The following SLC41A2 variants were observed in gnomAD, a reference collection of about 807,000 sequenced individuals.
The protein encoded by SLC41A2 is solute carrier family 41 member 2, also known as SLC41A1-like 1.
SLC41A2 carries 32 observed loss-of-function variants against 58.3 expected under a neutral mutation model. The observed-to-expected ratio is 0.55, with a 90% CI of 0.41 to 0.74. The LOEUF (loss-of-function observed/expected upper bound fraction) is 0.74. Ranked by LOEUF, SLC41A2 falls within the 30% of genes least tolerant of loss-of-function variation. The pLI is 0.00. For missense variants in SLC41A2, 514 were observed against 680.6 expected (o/e 0.76, Z 2.72); for synonymous variants, 190 against 235.0 (o/e 0.81, Z 1.75).
intron 10 of SLC41A2, among the ~76,000 whole-genome samples, chr12:104,825,927 T>C (rs1366928802): frequency 6.6e-6 from 1 of 152,050 alleles, no homozygotes; most frequent in Non-Finnish European, 1.5e-5. Context: ...TAATTCCTAT[T>C]CTCCAGGTTT....
intron 6 of SLC41A2, among the ~76,000 whole-genome samples, chr12:104,885,840 T>G (rs1359715816): frequency 6.6e-6 from 1 of 152,086 alleles, no homozygotes; most frequent in East Asian, 1.9e-4. Flanking sequence ...GGGTTTCTGA[T>G]GGGGAAAAAC....
chr12:104,889,089 G>C lies in SLC41A2; in HGVS notation c.824C>G (p.Ser275Cys), dbSNP rs201983610. 9.0e-5 allele frequency: 145 copies of C among 1,610,766 alleles called. No homozygotes were observed. Among genetic ancestry groups the C allele is most frequent in the Admixed American group, 6.8e-4 (40 of 59,014 alleles). Residue 275 changes from serine (S) to cysteine (C), a missense_variant, in exon 5 of 11, where the codon TCC (serine) becomes TGC (cysteine). Ser to Cys is a moderately radical substitution (Grantham distance 112). Around this residue, in one of 3 missense-constraint regions of SLC41A2, gnomAD observed 336 missense variants for 430.0 expected, o/e 0.78. Transcript: ENST00000258538. ...IPEGKYYLDH[S>C]ILLCSSSVAT... is the part of the protein sequence containing the mutation. ...CACACTGCTAGAGCACAGAAGTATG[G>C]AATGATCAAGGTAATATTTTCCTTC...
chr12:104,957,293 G>C (rs1051496603), intron 1 of SLC41A2, among the ~76,000 whole-genome samples: 3 of 152,186 alleles, frequency 2.0e-5, no homozygotes, highest in African/African-American at 7.2e-5. Context: ...CATATTGTAC[G>C]CTTCCATTTA....
Position 104,803,707 on chromosome 12 carries a change from C to G in SLC41A2, c.*1445G>C, listed in dbSNP as rs933241154. On this transcript the variant is annotated 3_prime_UTR_variant, in exon 11 of 11. Transcript: ENST00000258538. Reference sequence around the variant, plus strand: ...CCTATTCAATAACTAAGGTGTTGGTCAAGTGTTTAGAATATAGGCCAGAGT... The same window carrying G: ...CCTATTCAATAACTAAGGTGTTGGTGAAGTGTTTAGAATATAGGCCAGAGT... The G allele has an allele frequency of 6.6e-6, 1 of 151,876 alleles. No homozygotes were observed. Among genetic ancestry groups the G allele is most frequent in the African/African-American group, 2.4e-5 (1 of 41,320 alleles). 9.4% of individuals were successfully genotyped at this position (151,876 alleles called of 1,614,324 possible).
chr12:104,955,081 C>T (rs1044986696), intron 1 of SLC41A2, among the ~76,000 whole-genome samples: 5 of 136,690 alleles, frequency 3.7e-5, no homozygotes, highest in Admixed American at 1.6e-4. Flanking sequence ...GGCGTGATCT[C>T]GGTTCACTGC....
intron 1 of SLC41A2, among the ~76,000 whole-genome samples, chr12:104,954,062 A>G (rs1406293995): frequency 6.6e-6 from 1 of 152,046 alleles, no homozygotes; most frequent in Admixed American, 6.5e-5. Context: ...TTCTTTTCTC[A>G]TCTTTCAGAT....
chr12:104,834,681 TAA>T (rs35615983), intron 10 of SLC41A2, among the ~76,000 whole-genome samples: 3 of 143,696 alleles, frequency 2.1e-5, no homozygotes, highest in Non-Finnish European at 3.1e-5. Flanking sequence ...CATCATGATT[TAA>T]AAAAAAAAAA....
chr12:104,888,422 A>C (rs554231306), intron 5 of SLC41A2, among the ~76,000 whole-genome samples: 2 of 152,118 alleles, frequency 1.3e-5, no homozygotes, highest in Admixed American at 1.3e-4. Flanking sequence ...TATGATTGTG[A>C]TTCCACAATA....
chr12:104,935,033 C>T (rs2047206320), intron 1 of SLC41A2, among the ~76,000 whole-genome samples: 1 of 152,200 alleles, frequency 6.6e-6, no homozygotes. Flanking sequence ...TCTTGGCCCA[C>T]TGCAACCTCC....
At chr12:104,874,208 G>T (rs2043934950) in intron 6 of SLC41A2, among the ~76,000 whole-genome samples, 1 of 151,672 alleles carries the variant, frequency 6.6e-6, no homozygotes, top group African/African-American at 2.4e-5. Context: ...CGAGTAGCTG[G>T]GACTACAGGC....
Position 104,845,926 on chromosome 12 carries a change from T to C in SLC41A2, c.1304A>G (p.Tyr435Cys). Residue 435 changes from tyrosine to cysteine, a missense_variant, in exon 9 of 11, where the codon TAC becomes TGC. This residue lies in a region of SLC41A2 where 50 missense variants were observed against 104.5 expected (regional missense o/e 0.48). Coordinates refer to ENST00000258538, the MANE Select transcript of SLC41A2 (RefSeq NM_001352171.3). ...TCCTGGAATGCTATGTAAATGGAGGTAGGTAGAAATCCTGCTAGCCTGAAT... is the reference window on the plus strand; with the variant it reads ...TCCTGGAATGCTATGTAAATGGAGGCAGGTAGAAATCCTGCTAGCCTGAAT... The part of the protein sequence containing the change: ...VAIQASRIST[Y>C]LHLHSIPGEL... The C allele has an allele frequency of 1.2e-6, 2 of 1,613,836 alleles. No individual in the cohort carries two copies. The highest frequency in any genetic ancestry group is 1.7e-6 in the Non-Finnish European group (2 of 1,179,866).
chr12:104,821,106 C>T (rs1031225863), intron 10 of SLC41A2, among the ~76,000 whole-genome samples: 4 of 152,108 alleles, frequency 2.6e-5, no homozygotes, highest in African/African-American at 9.7e-5. Flanking sequence ...CTCTATGTTT[C>T]TTCTGGCTGT....
At chr12:104,807,992 A>T (rs1481741004) in intron 10 of SLC41A2, among the ~76,000 whole-genome samples, 1 of 152,206 alleles carries the variant, frequency 6.6e-6, no homozygotes, top group Non-Finnish European at 1.5e-5. Context: ...TTCTAGATAT[A>T]CAATCATGTC....
intron 3 of SLC41A2, among the ~76,000 whole-genome samples, chr12:104,905,799 T>A (rs888219785): frequency 6.6e-6 from 1 of 152,260 alleles, no homozygotes; most frequent in Non-Finnish European, 1.5e-5. Context: ...GCTGGCTGGC[T>A]GCTCCGAGTG....
intron 1 of SLC41A2, among the ~76,000 whole-genome samples, chr12:104,936,970 G>A (rs1356520823): frequency 6.6e-6 from 1 of 152,122 alleles, no homozygotes; most frequent in African/African-American, 2.4e-5. Context: ...TACAGGCTGG[G>A]TGCAATGGCT....
intron 1 of SLC41A2, among the ~76,000 whole-genome samples, chr12:104,935,410 TTGAA>T (rs1268705632): frequency 1.2e-4 from 18 of 152,162 alleles, no homozygotes; most frequent in Non-Finnish European, 2.2e-4. Context: ...GTTATCTTGA[TTGAA>T]TATTTTCTAT....
chr12:104,864,005 C>T (rs1565851917), intron 7 of SLC41A2, among the ~76,000 whole-genome samples: 1 of 151,344 alleles, frequency 6.6e-6, no homozygotes, highest in African/African-American at 2.4e-5. Context: ...CCCTGTCCTC[C>T]TGCCAATCTG....
intron 7 of SLC41A2, among the ~76,000 whole-genome samples, chr12:104,861,626 G>A (rs541676902): frequency 2.8e-4 from 43 of 152,198 alleles, no homozygotes; most frequent in African/African-American, 9.6e-4. Flanking sequence ...AAAAGCATAC[G>A]CTTTAAATGC....
At chr12:104,839,290 A>C (rs2042322024) in intron 10 of SLC41A2, among the ~76,000 whole-genome samples, 1 of 152,178 alleles carries the variant, frequency 6.6e-6, no homozygotes, top group African/African-American at 2.4e-5. Flanking sequence ...GATACTTTAT[A>C]GCAGAAAAAA....
Sources: gnomAD v4.1 joint callset for allele counts (sites outside exome capture counted in the v4.1 genomes callset) on GRCh38, gnomAD v4.1.1 for gene constraint, gnomAD v4.1.1 regional missense constraint, MANE v1.5 for transcripts, NCBI Gene and HGNC (gene_info 2026-07-23, HGNC 2026-07-21) for gene names.